BCAP31: variants seen among roughly 807,000 people sequenced by gnomAD.
BCAP31 encodes B-cell receptor-associated protein 31.
For missense variants in BCAP31, 124 were observed against 193.0 expected (o/e 0.64, Z 2.12); for synonymous variants, 75 against 80.9 (o/e 0.93, Z 0.39).
chrX:153,722,982 C>T (rs781833418), intron 2 of BCAP31, among the ~76,000 whole-genome samples, 171 bp downstream of exon 2: 15 of 110,360 alleles, frequency 1.4e-4, no homozygotes, highest in African/African-American at 4.6e-4. Context: ...AAGCAGAACC[C>T]TGGGAAGGGT....
In BCAP31 at chrX:153,700,800, G is replaced by A. The variant is rs1201096110; in HGVS notation, c.*137C>T. The A allele has an allele frequency of 9.6e-5, 55 of 572,420 alleles. No individual in the cohort carries two copies. The African/African-American group carries it at 1.1e-3, about 12-fold the overall frequency. 47.2% of individuals were successfully genotyped at this position (572,420 alleles called of 1,213,427 possible). ...GAGTGTGGACAAGGGCCGAGATGAC[G>A]AGCTATGAGCTGTGGAAGGGAATGG... On this transcript the variant is annotated 3_prime_UTR_variant, in exon 8 of 8. Transcript: ENST00000345046.
Position 153,706,777 on chromosome X carries a change from C to T in BCAP31, c.342-2683G>A, listed in dbSNP as rs1230406931. On this transcript the variant is annotated intron_variant, in intron 4 of 7. Coordinates refer to ENST00000345046, the MANE Select transcript of BCAP31 (RefSeq NM_001256447.2). ...CTGCTGTAGTGGTGGGCAGGCAAAC[C>T]GCCTTGGACTCAGCCCTCTTGGCCC... 5.6e-5 allele frequency among the ~76,000 whole-genome samples: 6 copies of T among 106,754 alleles called. No homozygotes were observed. The East Asian group carries it at 1.4e-3, about 25-fold the overall frequency. 92.7% of individuals were successfully genotyped at this position (106,754 alleles called of 115,157 possible). A position where few individuals can be genotyped will look rare whatever the true frequency, so the allele number is the denominator to read the frequency against.
At chrX:153,715,298 T>C in intron 4 of BCAP31, 2 of 403,706 alleles carry the variant, frequency 5.0e-6, no homozygotes, top group Non-Finnish European at 4.3e-6. Context: ...TCTGTTTGCC[T>C]GAGAGTATGT....
chrX:153,714,748 T>C (rs2091615317), intron 4 of BCAP31, among the ~76,000 whole-genome samples: 1 of 110,955 alleles, frequency 9.0e-6, no homozygotes, highest in Non-Finnish European at 1.9e-5. Flanking sequence ...CTTCATGTGT[T>C]GGAATTTAAT....
intron 3 of BCAP31, among the ~76,000 whole-genome samples, chrX:153,718,831 C>G (rs1421118725): frequency 9.0e-6 from 1 of 111,314 alleles, no homozygotes; most frequent in Non-Finnish European, 1.9e-5. Context: ...CCCTCCCTGT[C>G]TCGGGCCTCA....
At chrX:153,705,259 G>A (rs1483011179) in intron 4 of BCAP31, 1 of 113,347 alleles carries the variant, frequency 8.8e-6, no homozygotes, top group Non-Finnish European at 1.9e-5. Flanking sequence ...AAAGTAAAGA[G>A]CAGACAAGGT....
chrX:153,717,047 G>A (rs186583622), intron 3 of BCAP31, among the ~76,000 whole-genome samples: 3 of 112,248 alleles, frequency 2.7e-5, no homozygotes, highest in African/African-American at 6.5e-5. Flanking sequence ...TACCTGCTTC[G>A]TAATAGACAT....
At chrX:153,708,750 A>G (rs1430834322) in intron 4 of BCAP31, among the ~76,000 whole-genome samples, 3 of 112,955 alleles carry the variant, frequency 2.7e-5, no homozygotes, top group African/African-American at 9.6e-5. Context: ...ACCAGTCTGG[A>G]ATCAGGAAAA....
In BCAP31 at chrX:153,704,217, C is replaced by T. The variant is rs782748602; in HGVS notation, c.342-123G>A. The T allele has an allele frequency of 3.0e-5, 24 of 813,003 alleles. No individual in the cohort carries two copies. The East Asian group carries it at 8.2e-4, about 28-fold the overall frequency. 67.0% of individuals were successfully genotyped at this position (813,003 alleles called of 1,213,427 possible). A position where few individuals can be genotyped will look rare whatever the true frequency, so the allele number is the denominator to read the frequency against. The stretch of plus-strand genomic sequence containing the variant: ...GCCTGGACCTGCCCTCTTGCCAAGG[C>T]AGCCGAGTGAGAAGCCGCCAACCTG... On this transcript the variant is annotated intron_variant, in intron 4 of 7. Transcript: ENST00000345046.
chrX:153,703,962 C>G lies in BCAP31; in HGVS notation c.474G>C (p.Lys158Asn). Residue 158 changes from lysine to asparagine, a missense_variant, in exon 5 of 8, where the codon AAG (lysine) becomes AAC (asparagine). Physicochemically the swap from Lys to Asn is moderately conservative, Grantham distance 94. Transcript: ENST00000345046. The stretch of plus-strand genomic sequence containing the variant: ...TGGGTCGGGAAGCTGGGCTCACCTT[C>G]TTGAGCTGGTCATTCTCCTCCATGT... Reference protein sequence around the residue: ...KKYMEENDQLKKGAAVDGGKL... With the variant: ...KKYMEENDQLNKGAAVDGGKL... The G allele has an allele frequency of 2.5e-6, 3 of 1,211,179 alleles. No individual in the cohort carries two copies. The highest frequency in any genetic ancestry group is 3.4e-6 in the Non-Finnish European group (3 of 895,020).
chrX:153,724,005 G>T (rs1557051733), intron 1 of BCAP31: 2 of 372,684 alleles, frequency 5.4e-6, no homozygotes, highest in Admixed American at 6.0e-5. Context: ...TCAGAAGCCA[G>T]GGGTCCTTAC....
chrX:153,708,490 C>A (rs1403755599), intron 4 of BCAP31, among the ~76,000 whole-genome samples: 2 of 112,864 alleles, frequency 1.8e-5, no homozygotes, highest in Non-Finnish European at 3.8e-5. Context: ...CCTGCATACA[C>A]ATGGTGTTCA....
chrX:153,704,598 G>A (rs1321857026), intron 4 of BCAP31, among the ~76,000 whole-genome samples: 1 of 112,192 alleles, frequency 8.9e-6, no homozygotes, highest in African/African-American at 3.2e-5. Flanking sequence ...GTTCAGCAGC[G>A]TAAATCAATG....
intron 3 of BCAP31, among the ~76,000 whole-genome samples, chrX:153,717,147 C>T (rs191940383): frequency 8.9e-6 from 1 of 112,497 alleles, no homozygotes; most frequent in Admixed American, 9.4e-5. Context: ...ATCTTTTATA[C>T]TATATTCCCA....
At chrX:153,702,408 G>C (rs2091524669) in intron 6 of BCAP31, 4 of 253,720 alleles carry the variant, frequency 1.6e-5, no homozygotes, top group Admixed American at 6.2e-5. Flanking sequence ...CTGAGAGTGG[G>C]AGACAGGGAG....
intron 4 of BCAP31, among the ~76,000 whole-genome samples, chrX:153,712,204 T>C (rs2091596464): frequency 9.0e-6 from 1 of 110,744 alleles, no homozygotes; most frequent in Non-Finnish European, 1.9e-5. Flanking sequence ...GGAGGATTTC[T>C]TGAGCCCAGC....
In BCAP31 at chrX:153,700,725, C is replaced by T. The variant is rs2091512127; in HGVS notation, c.*212G>A. On this transcript the variant is annotated 3_prime_UTR_variant, in exon 8 of 8. Transcript: ENST00000345046. ...CTGGCCAGGCCAAGCAGGATGACAGCAAACGCATTCTGAACGTGTAGCAAT... is the reference window on the plus strand; with the variant it reads ...CTGGCCAGGCCAAGCAGGATGACAGTAAACGCATTCTGAACGTGTAGCAAT... The T allele has an allele frequency of 2.6e-6, 1 of 391,569 alleles. No individual in the cohort carries two copies. The highest frequency in any genetic ancestry group is 4.4e-6 in the Non-Finnish European group (1 of 226,171). 32.3% of individuals were successfully genotyped at this position (391,569 alleles called of 1,213,427 possible). A position where few individuals can be genotyped will look rare whatever the true frequency, so the allele number is the denominator to read the frequency against.
At chrX:153,718,789 A>G (rs782416554) in intron 3 of BCAP31, among the ~76,000 whole-genome samples, 3 of 111,646 alleles carry the variant, frequency 2.7e-5, no homozygotes, top group Non-Finnish European at 5.7e-5. Flanking sequence ...GGGACTGAGC[A>G]ATACTAACCC....
At chrX:153,721,411 GGGT>G in intron 2 of BCAP31, among the ~76,000 whole-genome samples, 1 of 102,144 alleles carries the variant, frequency 9.8e-6, no homozygotes, top group African/African-American at 3.6e-5. Flanking sequence ...ACTCCAGCCT[GGGT>G]GACAGAGCGA....
Sources: gnomAD v4.1 joint callset for allele counts (sites outside exome capture counted in the v4.1 genomes callset) on GRCh38, gnomAD v4.1.1 for gene constraint, MANE v1.5 for transcripts, NCBI Gene and HGNC (gene_info 2026-07-23, HGNC 2026-07-21) for gene names.